The following NDUFA7 variants were observed in gnomAD, a reference collection of about 807,000 sequenced individuals.
NDUFA7 encodes NADH:ubiquinone oxidoreductase subunit A7, also known as NADH dehydrogenase [ubiquinone] 1 alpha subcomplex subunit 7.
Under a neutral mutation model 14.2 loss-of-function variants are expected in NDUFA7, and 18 were observed. That is an observed-to-expected ratio of 1.27 (90% CI 0.88 to 1.88). NDUFA7 has a LOEUF of 1.88. NDUFA7 is among the 40% of genes most tolerant of loss of function. The probability of loss-of-function intolerance (pLI) is 0.00; values close to 1 mark genes in which losing one functional copy is unlikely to be tolerated. For synonymous variants in NDUFA7, 75 were observed against 62.1 expected, an observed-to-expected ratio of 1.21 and a Z score of -0.98; for missense variants, 172 against 147.3, an observed-to-expected ratio of 1.17 and a Z score of -0.87.
intron 3 of NDUFA7, among the ~76,000 whole-genome samples, chr19:8,314,737 C>T (rs1970214219): frequency 6.6e-6 from 1 of 152,178 alleles, no homozygotes; most frequent in Non-Finnish European, 1.5e-5. Context: ...CACGGTGAAA[C>T]CCCGTCTCTA....
chr19:8,316,813 G>A (rs1970241359), intron 2 of NDUFA7, 168 bp from the exon 3 acceptor site: 2 of 756,958 alleles, frequency 2.6e-6, no homozygotes, highest in Admixed American at 2.9e-5. Flanking sequence ...TATGCCTGGG[G>A]AGGGGTCCTG....
At chr19:8,312,352 A>C (rs1183992178) in intron 3 of NDUFA7, among the ~76,000 whole-genome samples, 1 of 152,208 alleles carries the variant, frequency 6.6e-6, no homozygotes, top group African/African-American at 2.4e-5. Flanking sequence ...TGGAAAAGGC[A>C]GAAGTGGCCT....
chr19:8,308,911 CAATT>C (rs1177916035), downstream of NDUFA7: 1 of 151,794 alleles, frequency 6.6e-6, no homozygotes, highest in East Asian at 1.9e-4. Flanking sequence ...GAAAGGAAAT[CAATT>C]AATTAATTAA....
At chr19:8,318,976 A>G (rs1970268494) in intron 2 of NDUFA7, among the ~76,000 whole-genome samples, 1 of 134,464 alleles carries the variant, frequency 7.4e-6, no homozygotes, top group African/African-American at 3.2e-5. Context: ...CTCAAAAAAG[A>G]AAAAAAAAAA....
chr19:8,309,147 G>A (rs1754251082), downstream of NDUFA7, among the ~76,000 whole-genome samples: 1 of 151,976 alleles, frequency 6.6e-6, no homozygotes, highest in African/African-American at 2.4e-5. Flanking sequence ...ACTTGGGGCT[G>A]CACTCCAGCG....
At chr19:8,319,215 G>C (rs2145399173) in intron 2 of NDUFA7, 1 of 152,102 alleles carries the variant, frequency 6.6e-6, no homozygotes, top group Middle Eastern at 3.4e-3. Context: ...AACTACCATG[G>C]CACGTTTACC....
downstream of NDUFA7, among the ~76,000 whole-genome samples, chr19:8,310,156 G>A (rs984371495): frequency 2.0e-5 from 3 of 152,304 alleles, no homozygotes; most frequent in Non-Finnish European, 2.9e-5. Flanking sequence ...TAGGCCAGGC[G>A]CGGTGGCTCA....
At chr19:8,320,951 G>A (rs768715719) in intron 1 of NDUFA7, 45 bp from the exon 2 acceptor site, 61 of 1,610,352 alleles carry the variant, frequency 3.8e-5, no homozygotes, top group Non-Finnish European at 5.0e-5. Context: ...GGCACCCCAG[G>A]AGAGAGGAAA....
intron 1 of NDUFA7, 192 bp from the exon 2 acceptor site, chr19:8,321,098 A>T: frequency 1.2e-6 from 1 of 865,496 alleles, no homozygotes. Context: ...TCCAAGGCTA[A>T]GAAGGTCGGG....
At chr19:8,315,358 C>T (rs1359095436) in intron 3 of NDUFA7, among the ~76,000 whole-genome samples, 1 of 151,960 alleles carries the variant, frequency 6.6e-6, no homozygotes, top group African/African-American at 2.4e-5. Flanking sequence ...CCTGCCCTTC[C>T]CTGGGCAATG....
rs961984056 is a variant in NDUFA7, at chr19:8,320,933, G to A, written c.52-27C>T. On this transcript the variant is annotated intron_variant, in intron 1 of 3. Transcript: ENST00000301457. ...TGTGGGAAGAGGAGAGGAGAGGTCG[G>A]CCTGCAAGGCACCCCAGGAGAGAGG... 3 of 1,613,262 alleles carry A rather than the reference G, an allele frequency of 1.9e-6. No individual in the cohort carries two copies. The Admixed American group carries it at 5.0e-5, about 27-fold the overall frequency.
chr19:8,314,524 G>A (rs376371397), intron 3 of NDUFA7, among the ~76,000 whole-genome samples: 5 of 151,984 alleles, frequency 3.3e-5, no homozygotes, highest in South Asian at 2.1e-4. Flanking sequence ...CCAGCTACTC[G>A]GGAGGCCAAG....
chr19:8,313,514 G>A (rs980304363), intron 3 of NDUFA7, among the ~76,000 whole-genome samples: 4 of 152,230 alleles, frequency 2.6e-5, no homozygotes, highest in African/African-American at 9.6e-5. Context: ...ACAGGCGTGA[G>A]CCACCGCGCC....
At chr19:8,318,155 G>C (rs1043111856) in intron 2 of NDUFA7, among the ~76,000 whole-genome samples, 12 of 151,766 alleles carry the variant, frequency 7.9e-5, no homozygotes, top group African/African-American at 2.9e-4. Flanking sequence ...TGTTTTTTTT[G>C]TTTGTTTTTT....
intron 2 of NDUFA7, among the ~76,000 whole-genome samples, chr19:8,320,581 C>A (rs532267904): frequency 3.3e-5 from 5 of 152,274 alleles, no homozygotes; most frequent in African/African-American, 1.2e-4. Flanking sequence ...CTTTTTTCAT[C>A]TGTAGCTTGG....
intron 3 of NDUFA7, among the ~76,000 whole-genome samples, chr19:8,312,042 C>T (rs1050559707): frequency 1.3e-5 from 2 of 152,214 alleles, no homozygotes; most frequent in Non-Finnish European, 2.9e-5. Context: ...ACTGTGTGGG[C>T]GCAGAGCCAG....
At chr19:8,318,848 G>C (rs1022124063) in intron 2 of NDUFA7, among the ~76,000 whole-genome samples, 1 of 151,314 alleles carries the variant, frequency 6.6e-6, no homozygotes, top group African/African-American at 2.4e-5. Flanking sequence ...GTGCACGCCT[G>C]TAGCCCCAGC....
intron 1 of NDUFA7, 34 bp downstream of exon 1, chr19:8,321,274 C>A (rs1356988127): frequency 1.3e-6 from 2 of 1,522,448 alleles, no homozygotes; most frequent in East Asian, 2.4e-5. Context: ...GAGCCCGAAG[C>A]CCCCCATGGT....
Position 8,320,871 on chromosome 19 carries a change from C to A in NDUFA7, c.87G>T (p.Gln29His). The A allele has an allele frequency of 6.2e-7, 1 of 1,613,752 alleles. No homozygotes were observed. ...GGCCTGCTCACCGCTTGGAGATCTC[C>A]TGGTAGCGTAGCTGCAGCTTCCCCT... The part of the protein sequence containing the change: ...DLQGKLQLRY[Q>H]EISKRTQPPP... Residue 29 changes from glutamine to histidine, a missense_variant, in exon 2 of 4, where the codon CAG becomes CAT. By Grantham distance (24) the Gln-to-His change is conservative. Transcript: ENST00000301457.
Sources: gnomAD v4.1 joint callset for allele counts (sites outside exome capture counted in the v4.1 genomes callset) on GRCh38, gnomAD v4.1.1 for gene constraint, MANE v1.5 for transcripts, NCBI Gene and HGNC (gene_info 2026-07-23, HGNC 2026-07-21) for gene names.